Variants in MAST4 observed in about 807,000 individuals in gnomAD.
MAST4 encodes the protein microtubule-associated serine/threonine-protein kinase 4.
In MAST4, 89 loss-of-function variants were observed where a neutral mutation model predicts 162.7. The ratio of observed to expected loss-of-function variants is 0.55; its 90% confidence interval spans 0.46 to 0.65. The LOEUF (loss-of-function observed/expected upper bound fraction) is 0.65, where lower values mean the gene tolerates loss of function less well. Ranked by LOEUF, MAST4 falls within the 30% of genes least tolerant of loss-of-function variation. The pLI is 0.00. For synonymous variants in MAST4, 1,479 were observed against 1,361.1 expected, an observed-to-expected ratio of 1.09 and a Z score of -1.91; for missense variants, 3,153 against 3,374.0, an observed-to-expected ratio of 0.93 and a Z score of 1.62.
rs761472649 is a variant in MAST4 at position 66,596,611 on chromosome 5, G to C, written c.-45G>C. The stretch of plus-strand genomic sequence containing the variant: ...CTTCCCCGGGAGGCGCTGAGTGCGC[G>C]CCGCGCCCCCGCCGCTCGGGAGGCA... On this transcript the variant is annotated 5_prime_UTR_variant, in exon 1 of 29. Coordinates refer to ENST00000403625, the MANE Select transcript of MAST4 (RefSeq NM_001164664.2). 7.2e-7 allele frequency: 1 copy of C among 1,389,682 alleles called. No homozygotes were observed. Among genetic ancestry groups the C allele is most frequent in the Non-Finnish European group, 9.3e-7 (1 of 1,075,466 alleles). The allele number at this position is 1,389,682 out of a possible 1,614,324, so 86.1% of individuals were successfully genotyped here.
intron 2 of MAST4, among the ~76,000 whole-genome samples, chr5:66,788,166 TC>T (rs1055011320): frequency 6.6e-6 from 1 of 152,186 alleles, no homozygotes; most frequent in African/African-American, 2.4e-5. Context: ...CACCTGCACT[TC>T]AGAGAAAAAA....
At chr5:67,118,536 T>C (rs747344581) in intron 12 of MAST4, 146 bp from the exon 13 acceptor site, 3 of 594,618 alleles carry the variant, frequency 5.0e-6, no homozygotes, top group Non-Finnish European at 5.9e-6. Context: ...TGCCTTTTTT[T>C]AGATTTAAGA....
intron 2 of MAST4, among the ~76,000 whole-genome samples, chr5:66,769,109 T>A (rs1268381170): frequency 1.3e-5 from 2 of 152,184 alleles, no homozygotes; most frequent in East Asian, 3.9e-4. Context: ...GATCATGAAT[T>A]GAAAGTGAAG....
chr5:67,075,212 C>G (rs1761489392), intron 5 of MAST4, among the ~76,000 whole-genome samples: 2 of 135,630 alleles, frequency 1.5e-5, no homozygotes, highest in Admixed American at 7.9e-5. Context: ...GCTCTGTCAT[C>G]TAAGCTGGAG....
intron 16 of MAST4, 95 bp downstream of exon 16, chr5:67,132,046 A>C (rs1769034657): frequency 7.4e-7 from 1 of 1,353,326 alleles, no homozygotes; most frequent in Non-Finnish European, 1.0e-6. Context: ...GTACATTTTT[A>C]AATTATTCCA....
At chr5:66,963,565 A>G (rs1169348682) in intron 4 of MAST4, 2 of 573,234 alleles carry the variant, frequency 3.5e-6, no homozygotes, top group Non-Finnish European at 3.1e-6. Context: ...GAAAAGGGCA[A>G]GTGATTAGAT....
intron 25 of MAST4, among the ~76,000 whole-genome samples, chr5:67,153,232 T>C (rs1227293164): frequency 6.6e-6 from 1 of 152,216 alleles, no homozygotes; most frequent in Admixed American, 6.5e-5. Flanking sequence ...TTTTTTTCTT[T>C]GTGGCTCTGG....
At chr5:66,608,689 T>C (rs1743069861) in intron 1 of MAST4, among the ~76,000 whole-genome samples, 1 of 151,988 alleles carries the variant, frequency 6.6e-6, no homozygotes, top group Admixed American at 6.6e-5. Context: ...ATTCAAATGC[T>C]CAGGCTTCTG....
intron 4 of MAST4, among the ~76,000 whole-genome samples, chr5:67,027,280 G>A (rs1754769171): frequency 6.6e-6 from 1 of 152,140 alleles, no homozygotes; most frequent in Non-Finnish European, 1.5e-5. Context: ...AACTGTATCT[G>A]TCTTGACCAA....
chr5:67,045,336 G>A (rs1581323481), intron 4 of MAST4, among the ~76,000 whole-genome samples: 1 of 152,276 alleles, frequency 6.6e-6, no homozygotes, highest in East Asian at 1.9e-4. Flanking sequence ...ACTGCAATAT[G>A]ACAAGGTGAA....
chr5:66,966,082 G>A (rs900044999), intron 4 of MAST4, among the ~76,000 whole-genome samples: 3 of 152,114 alleles, frequency 2.0e-5, no homozygotes, highest in South Asian at 2.1e-4. Flanking sequence ...CCAACACTAC[G>A]TGAGACAGAA....
intron 1 of MAST4, among the ~76,000 whole-genome samples, chr5:66,686,122 C>T (rs749479602): frequency 4.6e-5 from 7 of 152,040 alleles, no homozygotes; most frequent in Non-Finnish European, 7.4e-5. Flanking sequence ...GCTCTAGAGT[C>T]GCACCACCCA....
chr5:66,814,863 A>G (rs1032148654), intron 3 of MAST4, among the ~76,000 whole-genome samples: 24 of 152,252 alleles, frequency 1.6e-4, no homozygotes, highest in African/African-American at 5.8e-4. Context: ...TTTTCCCCAC[A>G]AAAGTTGGGC....
intron 1 of MAST4, among the ~76,000 whole-genome samples, chr5:66,680,549 T>G (rs1008826272): frequency 2.0e-5 from 3 of 152,194 alleles, no homozygotes; most frequent in African/African-American, 4.8e-5. Flanking sequence ...GGGCAAGTCC[T>G]TTCCCCTCTA....
chr5:67,123,937 T>C (rs1432153727), intron 14 of MAST4, among the ~76,000 whole-genome samples: 1 of 124,414 alleles, frequency 8.0e-6, no homozygotes, highest in African/African-American at 4.5e-5. Flanking sequence ...CTCTCAACTT[T>C]CCTCTGGCAC....
intron 1 of MAST4, among the ~76,000 whole-genome samples, chr5:66,749,312 G>A (rs1752987153): frequency 6.6e-6 from 1 of 152,092 alleles, no homozygotes; most frequent in Non-Finnish European, 1.5e-5. Context: ...TTCCCACTGG[G>A]GCTAGGTCCC....
chr5:66,729,215 G>T (rs181724173), intron 1 of MAST4, among the ~76,000 whole-genome samples: 1 of 152,308 alleles, frequency 6.6e-6, no homozygotes, highest in African/African-American at 2.4e-5. Flanking sequence ...ATTTTGTACT[G>T]TGATTTGAGT....
chr5:66,954,726 C>A (rs530512899), intron 4 of MAST4, among the ~76,000 whole-genome samples: 5 of 152,110 alleles, frequency 3.3e-5, no homozygotes, highest in Admixed American at 2.0e-4. Flanking sequence ...CATGGTGAGA[C>A]CCCATCTCTA....
intron 1 of MAST4, among the ~76,000 whole-genome samples, chr5:66,659,060 G>T (rs1455328769): frequency 6.6e-6 from 1 of 152,156 alleles, no homozygotes; most frequent in Non-Finnish European, 1.5e-5. Context: ...CAGCTTGCAA[G>T]GTAGGTGGGG....
Sources: allele counts gnomAD v4.1 joint callset (sites outside exome capture counted in the v4.1 genomes callset), GRCh38; gene constraint gnomAD v4.1.1; transcripts MANE v1.5; gene names NCBI Gene and HGNC (gene_info 2026-07-23, HGNC 2026-07-21).